LRRC57: variants seen among roughly 807,000 people sequenced by gnomAD.
LRRC57 encodes the protein leucine rich repeat containing 57.
In LRRC57, 14 loss-of-function variants were observed where a neutral mutation model predicts 23.1. The ratio of observed to expected loss-of-function variants is 0.61; its 90% CI spans 0.40 to 0.95. The LOEUF is 0.95. LRRC57 is among the 40% of genes least tolerant of loss of function. LRRC57 has a pLI of 0.00. For missense variants in LRRC57, 236 were observed against 284.4 expected, an observed-to-expected ratio of 0.83 and a Z score of 1.22; for synonymous variants, 106 against 115.2, an observed-to-expected ratio of 0.92 and a Z score of 0.51.
chr15:42,531,418 C>T, the LRRC57 span: 1 of 1,572,098 alleles, frequency 6.4e-7, no homozygotes. Context: ...TTCAGGCTGA[C>T]ACCAACAGAG....
the LRRC57 span, among the ~76,000 whole-genome samples, chr15:42,530,373 A>G: frequency 7.9e-5 from 12 of 152,212 alleles, no homozygotes; most frequent in Admixed American, 7.9e-4. Flanking sequence ...TGAGTGAAAG[A>G]AAGTTGTGAT....
At chr15:42,529,551 C>G in the LRRC57 span, 1 of 911,586 alleles carries the variant, frequency 1.1e-6, no homozygotes, top group Non-Finnish European at 1.7e-6. Context: ...GAATGGTAAC[C>G]TATATTCTTT....
rs1027316046 is a variant in LRRC57 at position 42,538,353 on chromosome 15, T to C, written c.*5730A>G. 6.6e-6 allele frequency: 1 copy of C among 152,176 alleles called. No homozygotes were observed. The highest frequency in any genetic ancestry group is 2.4e-5 in the African/African-American group (1 of 41,448). The allele number at this position is 152,176 out of a possible 1,614,324, so 9.4% of individuals were successfully genotyped here. ...GTCATTTAAAAATTTATTTTTTCCA[T>C]AAAGTAAAAGCAAGTTTATTAAAAA... is the stretch of plus-strand genomic sequence containing the variant. On this transcript the variant is annotated 3_prime_UTR_variant, in exon 6 of 6. Transcript: ENST00000397130.
intron 3 of LRRC57, 183 bp downstream of exon 3, chr15:42,547,923 T>G (rs778455801): frequency 1.6e-6 from 1 of 615,070 alleles, no homozygotes; most frequent in Non-Finnish European, 2.8e-6. Flanking sequence ...TAACACCCAA[T>G]CATTATAAGG....
At chr15:42,537,234 C>CAT (rs1491587618), downstream of LRRC57, among the ~76,000 whole-genome samples, 18 of 82,550 alleles carry the variant, frequency 2.2e-4, no homozygotes, top group Non-Finnish European at 5.1e-4. Flanking sequence ...CTCTCTCTCT[C>CAT]ACACACACAC....
rs771449023 is a variant in LRRC57 at position 42,548,144 on chromosome 15, G to A, written c.185C>T (p.Thr62Ile). ...SLPPLLIGKF[T>I]LLKSLSLNNN... The stretch of plus-strand genomic sequence containing the variant: ...GTTCAGGGAGAGGCTCTTCAGCAGA[G>A]TGAACTTTCCTATCAGCAAAGGCGG... Residue 62 changes from threonine to isoleucine, a missense_variant, in exon 3 of 6, where the codon ACT becomes ATT. By Grantham distance (89) the Thr-to-Ile change is moderately conservative. Transcript: ENST00000397130. The A allele has an allele frequency of 6.2e-7, 1 of 1,614,210 alleles. No homozygotes were observed. The highest frequency in any genetic ancestry group is 1.7e-5 in the Admixed American group (1 of 60,024).
At position 42,547,290 on chromosome 15, in the gene LRRC57, C is replaced by T. The variant is rs548606804; in HGVS notation, c.463G>A (p.Val155Ile). 3 of 1,614,162 alleles carry T rather than the reference C, an allele frequency of 1.9e-6. No individual in the cohort carries two copies. The East Asian group carries it at 6.7e-5, about 36-fold the overall frequency. Residue 155 changes from valine (V) to isoleucine (I), a missense_variant, in exon 4 of 6, where the codon GTC becomes ATC. By Grantham distance (29) the Val-to-Ile change is conservative (BLOSUM62 3). Transcript: ENST00000397130. ...SIPDSVGELQVIELNLNQNQI... is the reference protein window; with the variant it reads ...SIPDSVGELQIIELNLNQNQI... Reference sequence around the variant, plus strand: ...TTCTGGTTGAGGTTGAGTTCGATGACTTGCAGCTCTCCCACTGAGTCAGGT... The same window carrying T: ...TTCTGGTTGAGGTTGAGTTCGATGATTTGCAGCTCTCCCACTGAGTCAGGT...
chr15:42,543,730 A>T lies in LRRC57; in HGVS notation c.*353T>A, dbSNP rs1215169599. The T allele has an allele frequency of 4.7e-6, 1 of 211,536 alleles. No individual in the cohort carries two copies. Among genetic ancestry groups the T allele is most frequent in the Non-Finnish European group, 9.3e-6 (1 of 107,556 alleles). The allele number at this position is 211,536 out of a possible 1,614,324, so 13.1% of individuals were successfully genotyped here. On this transcript the variant is annotated 3_prime_UTR_variant, in exon 6 of 6. Coordinates refer to ENST00000397130, the MANE Select transcript of LRRC57 (RefSeq NM_153260.3). ...ACACAGTGAAACTAAACAAAATCTC[A>T]AGCTGTGGTGTGGAGCTATTCTGTT... is the stretch of plus-strand genomic sequence containing the variant.
In LRRC57 at chr15:42,540,365, T is replaced by C. The variant is rs1215108640; in HGVS notation, c.*3718A>G. The C allele has an allele frequency of 6.6e-6, 1 of 152,202 alleles. No homozygotes were observed. The highest frequency in any genetic ancestry group is 2.4e-5 in the African/African-American group (1 of 41,458). 9.4% of individuals were successfully genotyped at this position (152,202 alleles called of 1,614,324 possible). A position where few individuals can be genotyped will look rare whatever the true frequency, so the allele number is the denominator to read the frequency against. On this transcript the variant is annotated 3_prime_UTR_variant, in exon 6 of 6. Coordinates refer to ENST00000397130, the MANE Select transcript of LRRC57 (RefSeq NM_153260.3). ...AATTTAGCATGCATCAAATACTATG[T>C]TGAATCTATGCAAATGAAGTTATGT...
downstream of LRRC57, among the ~76,000 whole-genome samples, chr15:42,534,260 A>G (rs2057588673): frequency 6.6e-6 from 1 of 152,134 alleles, no homozygotes. Flanking sequence ...CCTCCTGAGT[A>G]GCTGGGATTA....
chr15:42,547,512 T>A lies in LRRC57; in HGVS notation c.241A>T (p.Ile81Leu), dbSNP rs777476847. The A allele has an allele frequency of 4.7e-5, 75 of 1,611,886 alleles. 1 individual carries two copies. The South Asian group carries it at 7.8e-4, about 17-fold the overall frequency. Reference protein sequence around the residue: ...NNKLTVLPDEICNLKKLETLS... With the variant: ...NNKLTVLPDELCNLKKLETLS... ...GTCTCTAGTTTTTTCAGATTGCATATCTCATCAGGCAGAACAGCTGGCAAA... is the reference window on the plus strand; with the variant it reads ...GTCTCTAGTTTTTTCAGATTGCATAACTCATCAGGCAGAACAGCTGGCAAA... The change falls in exon 4 of 6, where the codon ATA becomes TTA. Residue 81 changes from isoleucine (I) to leucine (L), a missense_variant. Physicochemically the swap from Ile to Leu is conservative, Grantham distance 5. Transcript: ENST00000397130.
rs1195356100 is a variant in LRRC57, at chr15:42,545,311, C to A, written c.493-49G>T. On this transcript the variant is annotated intron_variant, in intron 4 of 5. Transcript: ENST00000397130. Reference sequence around the variant, plus strand: ...AACAGGAAAAAGCATAAGCACTATACTGGTTACTTTTAGTACATTAAAACA... The same window carrying A: ...AACAGGAAAAAGCATAAGCACTATAATGGTTACTTTTAGTACATTAAAACA... 5 of 1,353,984 alleles carry A rather than the reference C, an allele frequency of 3.7e-6. No individual in the cohort carries two copies. The Admixed American group carries it at 1.0e-4, about 28-fold the overall frequency. The allele number at this position is 1,353,984 out of a possible 1,614,324, so 83.9% of individuals were successfully genotyped here. A position where few individuals can be genotyped will look rare whatever the true frequency, so the allele number is the denominator to read the frequency against.
downstream of LRRC57, among the ~76,000 whole-genome samples, chr15:42,533,960 C>A (rs148317517): frequency 6.6e-6 from 1 of 152,182 alleles, no homozygotes; most frequent in Non-Finnish European, 1.5e-5. Context: ...CGCAGTGGCT[C>A]ACGCCTGTAA....
chr15:42,545,633 G>A (rs2057655423), intron 4 of LRRC57, among the ~76,000 whole-genome samples: 1 of 152,002 alleles, frequency 6.6e-6, no homozygotes, highest in South Asian at 2.1e-4. Context: ...TACATTTACT[G>A]CCAATGTTTT....
intron 1 of LRRC57, 87 bp from the exon 2 acceptor site, chr15:42,548,543 C>G: frequency 9.4e-7 from 1 of 1,062,484 alleles, no homozygotes; most frequent in East Asian, 2.6e-5. Flanking sequence ...CAACTCCCGC[C>G]GATCCCTGGC....
intron 1 of LRRC57, 70 bp downstream of exon 1, chr15:42,548,623 C>T: frequency 3.1e-6 from 2 of 646,594 alleles, no homozygotes; most frequent in Non-Finnish European, 5.3e-6. Flanking sequence ...CAAGCCCTGC[C>T]GCCTTTGCAG....
In LRRC57 at chr15:42,543,998, C is replaced by CAT; in HGVS notation, c.*84_*85insAT. 9.2e-7 allele frequency: 1 copy of CAT among 1,081,558 alleles called. No homozygotes were observed. Among genetic ancestry groups the CAT allele is most frequent in the East Asian group, 2.4e-5 (1 of 41,888 alleles). The allele number at this position is 1,081,558 out of a possible 1,614,324, so 67.0% of individuals were successfully genotyped here. The stretch of plus-strand genomic sequence containing the variant: ...ATCTCCTTACTGTAGATACCCCTAA[C>CAT]AACAACAGGAGGCTTTGACTCAGCC... On this transcript the variant is annotated 3_prime_UTR_variant, in exon 6 of 6. Coordinates refer to ENST00000397130, the MANE Select transcript of LRRC57 (RefSeq NM_153260.3).
rs1347485853 is a variant in LRRC57, at chr15:42,540,048, T to C, written c.*4035A>G. ...CCGTCTCTACTAAAAATACAAAAAT[T>C]AGCCAGGTGTGGTGGCACCTGCCTG... On this transcript the variant is annotated 3_prime_UTR_variant, in exon 6 of 6. Transcript: ENST00000397130. 6.6e-6 allele frequency: 1 copy of C among 151,990 alleles called. No individual in the cohort carries two copies. Among genetic ancestry groups the C allele is most frequent in the Non-Finnish European group, 1.5e-5 (1 of 68,028 alleles). 9.4% of individuals were successfully genotyped at this position (151,990 alleles called of 1,614,324 possible). A position where few individuals can be genotyped will look rare whatever the true frequency, so the allele number is the denominator to read the frequency against.
the LRRC57 span, chr15:42,532,788 A>C: frequency 6.6e-6 from 1 of 152,668 alleles, no homozygotes; most frequent in Admixed American, 6.5e-5. Context: ...AGACTTTAAA[A>C]AGTTAGAATT....
Sources: gnomAD v4.1 joint callset for allele counts (sites outside exome capture counted in the v4.1 genomes callset) on GRCh38, gnomAD v4.1.1 for gene constraint, MANE v1.5 for transcripts, NCBI Gene and HGNC (gene_info 2026-07-23, HGNC 2026-07-21) for gene names.